Variants in CLEC16A observed in about 807,000 individuals in gnomAD.
CLEC16A encodes C-type lectin domain containing 16A.
Under a neutral mutation model 109.5 loss-of-function variants are expected in CLEC16A, and 51 were observed. The ratio of observed to expected loss-of-function variants is 0.47; its 90% CI spans 0.37 to 0.59. CLEC16A has a LOEUF of 0.59. Among genes scored for constraint, CLEC16A ranks in the 20% least tolerant of loss-of-function variants. The pLI, the probability that CLEC16A is intolerant of heterozygous loss-of-function variation, is 0.00. For synonymous variants in CLEC16A, 673 were observed against 564.2 expected (o/e 1.19, Z -2.73); for missense variants, 1,339 against 1,394.0 (o/e 0.96, Z 0.63).
intron 22 of CLEC16A, among the ~76,000 whole-genome samples, chr16:11,129,978 G>A (rs2053092664): frequency 6.6e-6 from 1 of 152,120 alleles, no homozygotes; most frequent in African/African-American, 2.4e-5. Context: ...TAGCCAGGAT[G>A]GTCTCGATCT....
chr16:10,981,011 C>T (rs2043291650), intron 9 of CLEC16A, among the ~76,000 whole-genome samples: 2 of 152,172 alleles, frequency 1.3e-5, no homozygotes, highest in Non-Finnish European at 2.9e-5. Context: ...GTGTAGGCAG[C>T]TGGGCCCAGC....
At chr16:11,102,791 C>T (rs1032197663) in intron 19 of CLEC16A, among the ~76,000 whole-genome samples, 4 of 152,240 alleles carry the variant, frequency 2.6e-5, no homozygotes, top group Non-Finnish European at 5.9e-5. Flanking sequence ...GCTGCTGTTA[C>T]TCCTAAGTGC....
At chr16:10,989,011 C>T (rs4781031) in intron 10 of CLEC16A, among the ~76,000 whole-genome samples, 49,604 of 151,836 alleles carry the variant, frequency 0.33, 8,586 homozygotes, top group South Asian at 0.46. Flanking sequence ...ACCATGCGCC[C>T]TTCAGTGGGG....
intron 23 of CLEC16A, among the ~76,000 whole-genome samples, chr16:11,168,320 C>T (rs530809833): frequency 3.3e-5 from 5 of 152,194 alleles, no homozygotes. Flanking sequence ...CTTCTCATCT[C>T]AGAAATCCAG....
At chr16:11,022,791 C>CAGG (rs1161760399) in intron 12 of CLEC16A, among the ~76,000 whole-genome samples, 1 of 151,592 alleles carries the variant, frequency 6.6e-6, no homozygotes, top group Non-Finnish European at 1.5e-5. Flanking sequence ...CCCAGCTACT[C>CAGG]AGGAGGCTGA....
intron 23 of CLEC16A, among the ~76,000 whole-genome samples, chr16:11,170,922 G>A (rs190218695): frequency 2.6e-4 from 39 of 152,286 alleles, no homozygotes; most frequent in East Asian, 7.7e-4. Flanking sequence ...AGGTGGCATC[G>A]CTGCAGATGA....
chr16:11,148,236 C>T (rs1015629268), intron 22 of CLEC16A, among the ~76,000 whole-genome samples: 1 of 152,148 alleles, frequency 6.6e-6, no homozygotes, highest in Non-Finnish European at 1.5e-5. Flanking sequence ...AACTTATTTC[C>T]TGGTGCTGCT....
chr16:10,977,767 C>T (rs1404000773), intron 8 of CLEC16A, among the ~76,000 whole-genome samples: 3 of 152,194 alleles, frequency 2.0e-5, no homozygotes, highest in Admixed American at 1.3e-4. Flanking sequence ...ATACACCTGC[C>T]TGGGCCTTCC....
Position 11,141,706 on chromosome 16 carries a change from G to GGGAC in CLEC16A, c.2641+15563_2641+15566dup, listed in dbSNP as rs2053838754. Among the ~76,000 whole-genome samples, 4 of 152,372 alleles carry GGGAC rather than the reference G, an allele frequency of 2.6e-5. No homozygotes were observed. The South Asian group carries it at 8.3e-4, about 32-fold the overall frequency. ...ACCAGAAACCAGGGCAGCTGGGTGAGGGACGGTCTGGGATGTGGGAGGTGC... is the reference window on the plus strand; with the variant it reads ...ACCAGAAACCAGGGCAGCTGGGTGAGGGACGGACGGTCTGGGATGTGGGAGGTGC... On this transcript the variant is annotated intron_variant, in intron 22 of 23. Coordinates refer to ENST00000409790, the MANE Select transcript of CLEC16A (RefSeq NM_015226.3).
chr16:11,040,092 C>T, intron 14 of CLEC16A: 1 of 506,002 alleles, frequency 2.0e-6, no homozygotes, highest in Non-Finnish European at 3.4e-6. Context: ...CATCCCATCC[C>T]CTGCCACTTG....
intron 23 of CLEC16A, among the ~76,000 whole-genome samples, chr16:11,171,971 C>T (rs1371563450): frequency 6.6e-6 from 1 of 151,884 alleles, no homozygotes; most frequent in Admixed American, 6.6e-5. Flanking sequence ...CACACTCCCA[C>T]ACATACACAA....
intron 3 of CLEC16A, among the ~76,000 whole-genome samples, chr16:10,966,470 T>C (rs1483857036): frequency 1.3e-5 from 2 of 152,224 alleles, no homozygotes; most frequent in African/African-American, 4.8e-5. Context: ...ATTTGGGATC[T>C]GGATGGTGCT....
chr16:11,018,693 G>C (rs534938963), intron 11 of CLEC16A, among the ~76,000 whole-genome samples: 71 of 143,988 alleles, frequency 4.9e-4, no homozygotes, highest in South Asian at 2.2e-4. Flanking sequence ...AGCTTGCAGT[G>C]AGCCGAGATC....
chr16:10,992,079 C>G (rs1255396861), intron 10 of CLEC16A, among the ~76,000 whole-genome samples: 1 of 152,172 alleles, frequency 6.6e-6, no homozygotes, highest in Non-Finnish European at 1.5e-5. Flanking sequence ...TATAACCTGG[C>G]CCCAGGACAG....
intron 22 of CLEC16A, among the ~76,000 whole-genome samples, chr16:11,160,365 ATC>A (rs764026839): frequency 2.6e-5 from 4 of 152,084 alleles, no homozygotes; most frequent in Non-Finnish European, 4.4e-5. Context: ...ATTGTGTGTA[ATC>A]TCTGTGACCA....
intron 19 of CLEC16A, among the ~76,000 whole-genome samples, chr16:11,117,946 A>G (rs2052122672): frequency 6.6e-6 from 1 of 152,010 alleles, no homozygotes; most frequent in South Asian, 2.1e-4. Flanking sequence ...TAAATTAGAC[A>G]TTGAATTTGG....
chr16:10,992,294 C>A (rs1427057152), intron 10 of CLEC16A, among the ~76,000 whole-genome samples: 2 of 152,100 alleles, frequency 1.3e-5, no homozygotes, highest in African/African-American at 4.8e-5. Flanking sequence ...TGCATCCCCT[C>A]CCTGCCCAGT....
chr16:11,076,190 A>T (rs16958021), intron 19 of CLEC16A, among the ~76,000 whole-genome samples: 3 of 151,958 alleles, frequency 2.0e-5, no homozygotes, highest in Admixed American at 6.5e-5. Context: ...CTGGCTTCCC[A>T]TTGTGGTGTC....
chr16:11,143,775 C>T (rs1242509799), intron 22 of CLEC16A, among the ~76,000 whole-genome samples: 1 of 152,168 alleles, frequency 6.6e-6, no homozygotes, highest in Non-Finnish European at 1.5e-5. Flanking sequence ...GTCAGAACCT[C>T]CCTGGGGAAA....
Sources: gnomAD v4.1 joint callset for allele counts (sites outside exome capture counted in the v4.1 genomes callset) on GRCh38, gnomAD v4.1.1 for gene constraint, MANE v1.5 for transcripts, NCBI Gene and HGNC (gene_info 2026-07-23, HGNC 2026-07-21) for gene names.